The following FRMD3 variants were observed in gnomAD, a reference collection of about 807,000 sequenced individuals.
FRMD3 encodes FERM domain containing 3.
In FRMD3, 33 loss-of-function variants were observed where a neutral mutation model predicts 70.2. The ratio of observed to expected loss-of-function variants is 0.47; its 90% confidence interval spans 0.36 to 0.63. FRMD3 has a LOEUF of 0.63. FRMD3 is among the 20% of genes least tolerant of loss of function. The probability of loss-of-function intolerance (pLI) is 0.00; values close to 1 mark genes in which losing one functional copy is unlikely to be tolerated. For missense variants in FRMD3, 632 were observed against 711.4 expected, an observed-to-expected ratio of 0.89 and a Z score of 1.27; for synonymous variants, 279 against 255.9, an observed-to-expected ratio of 1.09 and a Z score of -0.86.
At chr9:83,351,173 A>G (rs373218753) in intron 3 of FRMD3, among the ~76,000 whole-genome samples, 1 of 152,228 alleles carries the variant, frequency 6.6e-6, no homozygotes, top group Admixed American at 6.5e-5. Context: ...AATCCTTTAC[A>G]TAAGAAGAGC....
chr9:83,441,935 G>T (rs965320477), intron 1 of FRMD3, among the ~76,000 whole-genome samples: 26 of 152,310 alleles, frequency 1.7e-4, no homozygotes, highest in African/African-American at 6.3e-4. Flanking sequence ...ATTTTAGGCA[G>T]AAAATGAAAT....
chr9:83,383,162 G>A (rs373940764), intron 2 of FRMD3, among the ~76,000 whole-genome samples: 1 of 152,218 alleles, frequency 6.6e-6, no homozygotes, highest in African/African-American at 2.4e-5. Context: ...GGATGAAGAT[G>A]TCTTGGATCC....
At chr9:83,543,539 G>T (rs1830021831), upstream of FRMD3, among the ~76,000 whole-genome samples, 1 of 152,122 alleles carries the variant, frequency 6.6e-6, no homozygotes, top group South Asian at 2.1e-4. Context: ...ACTCTATCCT[G>T]CCCAGGGAAT....
At chr9:83,315,357 G>A (rs903524028) in intron 6 of FRMD3, among the ~76,000 whole-genome samples, 1 of 152,190 alleles carries the variant, frequency 6.6e-6, no homozygotes, top group Admixed American at 6.5e-5. Flanking sequence ...TGAGGGAAGA[G>A]TGGGATGTGC....
chr9:83,400,849 C>T (rs1002542688), intron 1 of FRMD3, among the ~76,000 whole-genome samples: 2 of 152,172 alleles, frequency 1.3e-5, no homozygotes, highest in African/African-American at 4.8e-5. Context: ...CAGAAATGAG[C>T]TATCTTTATT....
the FRMD3 span, among the ~76,000 whole-genome samples, chr9:83,546,312 G>A: frequency 6.6e-6 from 1 of 152,152 alleles, no homozygotes; most frequent in Non-Finnish European, 1.5e-5. Context: ...AGCCAAGATT[G>A]TGCTACTGCA....
chr9:83,430,635 C>A (rs1826947335), intron 1 of FRMD3, among the ~76,000 whole-genome samples: 1 of 152,130 alleles, frequency 6.6e-6, no homozygotes, highest in African/African-American at 2.4e-5. Flanking sequence ...AAATGTCTTT[C>A]ATTTCACACC....
chr9:83,505,965 G>A (rs561789320), intron 1 of FRMD3, among the ~76,000 whole-genome samples: 5 of 152,120 alleles, frequency 3.3e-5, no homozygotes, highest in Admixed American at 6.5e-5. Flanking sequence ...AATGCAAAAG[G>A]GAAGATGGAG....
intron 13 of FRMD3, among the ~76,000 whole-genome samples, chr9:83,282,238 A>G (rs1456373643): frequency 1.3e-5 from 2 of 152,250 alleles, no homozygotes; most frequent in African/African-American, 4.8e-5. Context: ...AACATTTTCT[A>G]CGAAGGCTTA....
chr9:83,492,898 C>G (rs1828861594), intron 1 of FRMD3, among the ~76,000 whole-genome samples: 1 of 152,234 alleles, frequency 6.6e-6, no homozygotes, highest in African/African-American at 2.4e-5. Flanking sequence ...TTCACCATCT[C>G]CCATTCCCTT....
chr9:83,479,346 GGA>G (rs3084911), intron 1 of FRMD3, among the ~76,000 whole-genome samples: 11 of 41,906 alleles, frequency 2.6e-4, no homozygotes, highest in African/African-American at 7.1e-4. Flanking sequence ...AGAGGAAGAA[GGA>G]GGAGGAGGAG....
At chr9:83,531,144 G>T (rs1829783927) in intron 1 of FRMD3, among the ~76,000 whole-genome samples, 1 of 152,182 alleles carries the variant, frequency 6.6e-6, no homozygotes, top group Non-Finnish European at 1.5e-5. Context: ...ACCAGTCTGA[G>T]GATAGAGCCA....
At chr9:83,483,276 C>A (rs189952302) in intron 1 of FRMD3, among the ~76,000 whole-genome samples, 2 of 152,288 alleles carry the variant, frequency 1.3e-5, no homozygotes, top group Non-Finnish European at 2.9e-5. Flanking sequence ...CCCCTTTGCC[C>A]TTCTGCCATG....
intron 1 of FRMD3, among the ~76,000 whole-genome samples, chr9:83,530,899 G>A (rs981389172): frequency 6.6e-6 from 1 of 152,108 alleles, no homozygotes; most frequent in Non-Finnish European, 1.5e-5. Context: ...CATCACCACA[G>A]GGGAAGTTGA....
intron 1 of FRMD3, among the ~76,000 whole-genome samples, chr9:83,429,538 C>G (rs543709529): frequency 2.4e-4 from 36 of 152,290 alleles, no homozygotes; most frequent in African/African-American, 8.4e-4. Flanking sequence ...TCTCTGCCCA[C>G]CTTGTAGAAG....
Position 83,445,205 on chromosome 9 carries a change from G to A in FRMD3, c.148-55497C>T, listed in dbSNP as rs780425656. ...AGCCTAGCCAACATGGTGAAACCCC[G>A]TCTCTACTAAAAATACAAAAATTAG... On this transcript the variant is annotated intron_variant, in intron 1 of 13. Transcript: ENST00000304195. Among the ~76,000 whole-genome samples the A allele has an allele frequency of 1.6e-4, 24 of 152,070 alleles. 1 individual carries two copies. Among genetic ancestry groups the A allele is most frequent in the South Asian group, 2.1e-4 (1 of 4,822 alleles).
intron 1 of FRMD3, among the ~76,000 whole-genome samples, chr9:83,497,427 T>C (rs184760623): frequency 6.6e-6 from 1 of 152,374 alleles, no homozygotes; most frequent in African/African-American, 2.4e-5. Context: ...TAAAATATTT[T>C]GCAAAGCCTC....
chr9:83,313,546 C>T (rs751019791), intron 7 of FRMD3, 114 bp downstream of exon 7: 2 of 806,074 alleles, frequency 2.5e-6, no homozygotes, highest in African/African-American at 1.7e-5. Context: ...AATGAGGGAC[C>T]GTGGGCCAAG....
At chr9:83,474,358 A>G (rs1027331199) in intron 1 of FRMD3, among the ~76,000 whole-genome samples, 1 of 152,202 alleles carries the variant, frequency 6.6e-6, no homozygotes, top group Non-Finnish European at 1.5e-5. Context: ...AAATAAAGCA[A>G]CCATTCTACA....
Sources: allele counts gnomAD v4.1 joint callset (sites outside exome capture counted in the v4.1 genomes callset), GRCh38; gene constraint gnomAD v4.1.1; transcripts MANE v1.5; gene names NCBI Gene and HGNC (gene_info 2026-07-23, HGNC 2026-07-21).